Variants in ITGBL1 observed in about 807,000 individuals in gnomAD.
The protein encoded by ITGBL1 is integrin subunit beta like 1.
Under a neutral mutation model 68.5 loss-of-function variants are expected in ITGBL1, and 51 were observed. The ratio of observed to expected loss-of-function variants is 0.74; its 90% CI spans 0.59 to 0.94. The LOEUF (loss-of-function observed/expected upper bound fraction) is 0.94, where lower values mean the gene tolerates loss of function less well. ITGBL1 is among the 40% of genes least tolerant of loss of function. ITGBL1 has a pLI of 0.00. For missense variants in ITGBL1, 649 were observed against 647.4 expected, an observed-to-expected ratio of 1.00 and a Z score of -0.03; for synonymous variants, 209 against 227.3, an observed-to-expected ratio of 0.92 and a Z score of 0.72.
At chr13:101,691,547 A>T (rs1171814119) in intron 7 of ITGBL1, among the ~76,000 whole-genome samples, 1 of 152,150 alleles carries the variant, frequency 6.6e-6, no homozygotes, top group Non-Finnish European at 1.5e-5. Context: ...TGTAATTATG[A>T]TGGTTGGGCT....
chr13:101,502,678 G>A (rs2048962568), intron 2 of ITGBL1, among the ~76,000 whole-genome samples: 1 of 152,054 alleles, frequency 6.6e-6, no homozygotes, highest in Admixed American at 6.6e-5. Context: ...TGCCTTGTTT[G>A]GCAATTATGA....
chr13:101,694,607 T>C (rs1417794073), intron 8 of ITGBL1, among the ~76,000 whole-genome samples: 2 of 149,058 alleles, frequency 1.3e-5, no homozygotes, highest in African/African-American at 5.2e-5. Flanking sequence ...TTTGTGGAGA[T>C]TTGGGGGTCT....
At chr13:101,475,383 T>C (rs34412772) in intron 2 of ITGBL1, among the ~76,000 whole-genome samples, 21,668 of 151,992 alleles carry the variant, frequency 0.14, 2,051 homozygotes, top group East Asian at 0.43. Context: ...TTTGAATAGT[T>C]AGAAGAGACA....
intron 2 of ITGBL1, among the ~76,000 whole-genome samples, chr13:101,526,689 G>A (rs2139148434): frequency 6.7e-6 from 1 of 149,868 alleles, no homozygotes; most frequent in South Asian, 2.1e-4. Flanking sequence ...GTGTGTGTAT[G>A]TAAGAAAAGT....
Position 101,671,458 on chromosome 13 carries a change from A to T in ITGBL1, c.1016-21127A>T, listed in dbSNP as rs1179984849. 5.2e-4 allele frequency among the ~76,000 whole-genome samples: 13 copies of T among 24,912 alleles called. 1 individual carries two copies. Among genetic ancestry groups the T allele is most frequent in the Non-Finnish European group, 1.1e-3 (10 of 8,782 alleles). 16.3% of individuals were successfully genotyped at this position (24,912 alleles called of 152,430 possible). ...TTTTGTTTTTTTTTGTTTTTTTTTG[A>T]GACGGAGTCTCGCTCTGTCGCCCGG... On this transcript the variant is annotated intron_variant, in intron 7 of 10. Transcript: ENST00000376180.
intron 2 of ITGBL1, among the ~76,000 whole-genome samples, chr13:101,554,742 C>CT (rs1467866364): frequency 6.6e-6 from 1 of 152,218 alleles, no homozygotes; most frequent in Non-Finnish European, 1.5e-5. Flanking sequence ...TCCACCCCTC[C>CT]TGGGGTGGGG....
chr13:101,678,210 G>A (rs1019566627), intron 7 of ITGBL1, among the ~76,000 whole-genome samples: 4 of 152,222 alleles, frequency 2.6e-5, no homozygotes, highest in South Asian at 2.1e-4. Flanking sequence ...GTGTAAACTC[G>A]TATGTATGCA....
At chr13:101,488,891 C>G (rs898885297) in intron 2 of ITGBL1, among the ~76,000 whole-genome samples, 3 of 152,034 alleles carry the variant, frequency 2.0e-5, no homozygotes, top group Admixed American at 6.6e-5. Context: ...TCCTTTTCAT[C>G]TTTTGGTGTT....
chr13:101,567,917 G>A lies in ITGBL1; in HGVS notation c.463+72G>A, dbSNP rs189761541. 8.5e-5 allele frequency: 103 copies of A among 1,210,520 alleles called. 1 individual carries two copies. In the Admixed American group the frequency reaches 9.4e-4, roughly 11 times the overall value. The allele number at this position is 1,210,520 out of a possible 1,614,324, so 75.0% of individuals were successfully genotyped here. A position where few individuals can be genotyped will look rare whatever the true frequency, so the allele number is the denominator to read the frequency against. ...TTGTTTTTAATGGAAATATGTGGGCGTGGAGAAATGTTGAATCTCAGAGTG... is the reference window on the plus strand; with the variant it reads ...TTGTTTTTAATGGAAATATGTGGGCATGGAGAAATGTTGAATCTCAGAGTG... On this transcript the variant is annotated intron_variant, in intron 3 of 10. Transcript: ENST00000376180.
intron 7 of ITGBL1, among the ~76,000 whole-genome samples, chr13:101,654,606 C>G (rs914590403): frequency 3.3e-5 from 5 of 152,056 alleles, no homozygotes; most frequent in African/African-American, 7.2e-5. Flanking sequence ...GGAGCTGACT[C>G]GATGGTGGCA....
chr13:101,568,243 T>G (rs2050213633), intron 3 of ITGBL1, among the ~76,000 whole-genome samples: 1 of 152,202 alleles, frequency 6.6e-6, no homozygotes, highest in African/African-American at 2.4e-5. Flanking sequence ...ATACTTTAAA[T>G]TTGATAGAAG....
At chr13:101,694,018 A>G (rs528617384) in intron 8 of ITGBL1, among the ~76,000 whole-genome samples, 9 of 152,098 alleles carry the variant, frequency 5.9e-5, no homozygotes, top group Non-Finnish European at 1.2e-4. Flanking sequence ...TGTTTCTACT[A>G]TTTTTTCTTT....
At chr13:101,549,888 G>C (rs1165863146) in intron 2 of ITGBL1, among the ~76,000 whole-genome samples, 1 of 151,912 alleles carries the variant, frequency 6.6e-6, no homozygotes, top group Non-Finnish European at 1.5e-5. Context: ...GATATACATA[G>C]CTTTCATCCG....
intron 2 of ITGBL1, among the ~76,000 whole-genome samples, chr13:101,477,377 C>T (rs2048553408): frequency 6.6e-6 from 1 of 151,650 alleles, no homozygotes; most frequent in Non-Finnish European, 1.5e-5. Flanking sequence ...GGACCTACAT[C>T]AAAAAAGTAC....
chr13:101,470,196 C>A (rs2048438342), intron 2 of ITGBL1, among the ~76,000 whole-genome samples: 1 of 152,186 alleles, frequency 6.6e-6, no homozygotes, highest in Non-Finnish European at 1.5e-5. Flanking sequence ...ATTCTGTTAC[C>A]TTAGCTAACC....
Position 101,487,318 on chromosome 13 carries a change from C to T in ITGBL1, c.316+33218C>T, listed in dbSNP as rs115300998. 5.8e-3 allele frequency among the ~76,000 whole-genome samples: 877 copies of T among 152,184 alleles called. 9 individuals are homozygous for T. Among genetic ancestry groups the T allele is most frequent in the African/African-American group, 0.02 (840 of 41,502 alleles). ...CCTGTTGATAACAGCCTGTCCTTAT[C>T]CTGTGACCTAAAATAATACCAAACT... On this transcript the variant is annotated intron_variant, in intron 2 of 10. Transcript: ENST00000376180.
At chr13:101,667,776 A>G (rs940015441) in intron 7 of ITGBL1, among the ~76,000 whole-genome samples, 3 of 152,150 alleles carry the variant, frequency 2.0e-5, no homozygotes, top group Admixed American at 1.3e-4. Flanking sequence ...TTAGACACAT[A>G]TGCATGTGTT....
chr13:101,712,064 G>C (rs1033964756), intron 9 of ITGBL1: 4 of 152,180 alleles, frequency 2.6e-5, no homozygotes, highest in African/African-American at 9.7e-5. Context: ...CCATGTTATG[G>C]AAGAAAACAG....
At chr13:101,599,441 T>G (rs980588899) in intron 7 of ITGBL1, among the ~76,000 whole-genome samples, 25 of 151,176 alleles carry the variant, frequency 1.7e-4, no homozygotes, top group Non-Finnish European at 3.1e-4. Context: ...TTTAGTTTAA[T>G]TAGATCCCAT....
Sources: gnomAD v4.1 joint callset for allele counts (sites outside exome capture counted in the v4.1 genomes callset) on GRCh38, gnomAD v4.1.1 for gene constraint, MANE v1.5 for transcripts, NCBI Gene and HGNC (gene_info 2026-07-23, HGNC 2026-07-21) for gene names.